CRB2: variants seen among roughly 807,000 people sequenced by gnomAD.
CRB2 encodes protein crumbs homolog 2.
Under a neutral mutation model 110.9 loss-of-function variants are expected in CRB2, and 85 were observed. The ratio of observed to expected loss-of-function variants is 0.77; its 90% CI spans 0.64 to 0.92. The LOEUF is 0.92. Among genes scored for constraint, CRB2 ranks in the 40% least tolerant of loss-of-function variants. CRB2 has a pLI of 0.00. For missense variants in CRB2, 1,843 were observed against 1,851.3 expected, an observed-to-expected ratio of 1.00 and a Z score of 0.08; for synonymous variants, 907 against 831.0, an observed-to-expected ratio of 1.09 and a Z score of -1.57.
In CRB2 at chr9:123,375,261, A is replaced by G; in HGVS notation, c.3551A>G (p.Asn1184Ser). The part of the protein sequence containing the change: ...TLPCEANPCL[N>S]GGTCRAAGGV... ...CCCTGTGAAGCCAACCCCTGCTTGA[A>G]TGGGGGCACCTGCCGGGCAGCTGGA... The change falls in exon 12 of 13, where the codon AAT becomes AGT. Residue 1184 changes from asparagine to serine, a missense_variant. Asn to Ser is a conservative substitution (Grantham distance 46, BLOSUM62 1). Coordinates refer to ENST00000373631, the MANE Select transcript of CRB2 (RefSeq NM_173689.7). 1 of 1,612,034 alleles carries G rather than the reference A, an allele frequency of 6.2e-7. No homozygotes were observed. The highest frequency in any genetic ancestry group is 8.5e-7 in the Non-Finnish European group (1 of 1,179,142).
chr9:123,359,548 A>C (rs2041843428), intron 1 of CRB2, among the ~76,000 whole-genome samples: 1 of 149,560 alleles, frequency 6.7e-6, no homozygotes, highest in African/African-American at 2.5e-5. Flanking sequence ...CCCTGGGCTC[A>C]AGCCATCCTC....
chr9:123,363,689 A>G (rs1206929917), intron 2 of CRB2, among the ~76,000 whole-genome samples: 1 of 152,200 alleles, frequency 6.6e-6, no homozygotes, highest in Non-Finnish European at 1.5e-5. Flanking sequence ...TAGCATAGAC[A>G]TACAAGGTCT....
intron 4 of CRB2, 68 bp from the exon 5 acceptor site, chr9:123,367,104 T>C: frequency 6.8e-7 from 1 of 1,471,104 alleles, no homozygotes; most frequent in Non-Finnish European, 9.0e-7. Context: ...CTCGCTAGCC[T>C]GGTCATAGTG....
rs768010757 is a variant in CRB2, at chr9:123,373,409, C to A, written c.2878C>A (p.Arg960Ser). 2.1e-6 allele frequency: 3 copies of A among 1,444,000 alleles called. No homozygotes were observed. The African/African-American group carries it at 4.5e-5, about 21-fold the overall frequency. The allele number at this position is 1,444,000 out of a possible 1,614,324, so 89.4% of individuals were successfully genotyped here. A position where few individuals can be genotyped will look rare whatever the true frequency, so the allele number is the denominator to read the frequency against. ...GGCCGATGGTGCCTGGCACCGCGTG[C>A]GTCTGGCCATGGAGCGCCCGGCGGC... ...RVADGAWHRV[R>S]LAMERPAATT... is the part of the protein sequence containing the mutation. The change falls in exon 10 of 13, where the codon CGT becomes AGT. Residue 960 changes from arginine (R) to serine (S), a missense_variant. Arg to Ser is a moderately radical substitution (Grantham distance 110). Transcript: ENST00000373631.
At chr9:123,366,179 G>T in intron 3 of CRB2, 48 bp from the exon 4 acceptor site, 1 of 1,381,556 alleles carries the variant, frequency 7.2e-7, no homozygotes, top group Middle Eastern at 2.5e-4. Context: ...CAGGCGCGGG[G>T]CAGAAGGGGC....
intron 1 of CRB2, among the ~76,000 whole-genome samples, chr9:123,356,727 G>C (rs959581187): frequency 2.6e-5 from 4 of 152,056 alleles, no homozygotes; most frequent in African/African-American, 9.7e-5. Flanking sequence ...AGTTTGGGGA[G>C]TTGCAGGTGG....
intron 2 of CRB2, among the ~76,000 whole-genome samples, chr9:123,364,580 A>G (rs1352982910): frequency 6.6e-6 from 1 of 151,974 alleles, no homozygotes; most frequent in African/African-American, 2.4e-5. Context: ...GGAGGAGGGA[A>G]GGGTCATGGG....
chr9:123,361,136 GA>G (rs386738389), intron 1 of CRB2, among the ~76,000 whole-genome samples: 34,632 of 122,566 alleles, frequency 0.28, 5,838 homozygotes, highest in Non-Finnish European at 0.38. Flanking sequence ...GATGGGCGGG[GA>G]GGGGGGGGGG....
At chr9:123,358,135 G>A (rs576222436) in intron 1 of CRB2, among the ~76,000 whole-genome samples, 1 of 152,332 alleles carries the variant, frequency 6.6e-6, no homozygotes, top group South Asian at 2.1e-4. Flanking sequence ...CCTGCCGGGA[G>A]GGGAGGGATT....
rs1443443959 is a variant in CRB2 at position 123,373,750 on chromosome 9, C to G, written c.3219C>G (p.Asp1073Glu). Residue 1073 changes from aspartate to glutamate, a missense_variant, in exon 10 of 13, where the codon GAC becomes GAG. Coordinates refer to ENST00000373631, the MANE Select transcript of CRB2 (RefSeq NM_173689.7). ...GTCTGCACGACGGTGCCTGCCGTGA[C>G]CTCTTCGACGCCTTTGCCTGCGCCT... ...SPCLHDGACR[D>E]LFDAFACACG... 8.8e-6 allele frequency: 14 copies of G among 1,588,852 alleles called. No homozygotes were observed. Among genetic ancestry groups the G allele is most frequent in the Admixed American group, 1.7e-5 (1 of 59,336 alleles).
At chr9:123,358,827 A>G (rs1291925446) in intron 1 of CRB2, among the ~76,000 whole-genome samples, 1 of 152,198 alleles carries the variant, frequency 6.6e-6, no homozygotes, top group African/African-American at 2.4e-5. Flanking sequence ...GCGCTGGTAT[A>G]AGGATTGGAA....
At chr9:123,362,804 G>C (rs1254360203) in intron 1 of CRB2, 61 bp from the exon 2 acceptor site, 9 of 1,486,930 alleles carry the variant, frequency 6.1e-6, no homozygotes, top group Non-Finnish European at 8.2e-6. Flanking sequence ...TGAGAGGGTG[G>C]GGAGGAGATT....
intron 1 of CRB2, among the ~76,000 whole-genome samples, chr9:123,360,435 T>C (rs956803980): frequency 6.6e-6 from 1 of 151,578 alleles, no homozygotes; most frequent in East Asian, 1.9e-4. Context: ...CAGCCCCTCC[T>C]CCGCCCTGCT....
chr9:123,356,495 C>A (rs1357056540), intron 1 of CRB2, 141 bp downstream of exon 1: 3 of 365,844 alleles, frequency 8.2e-6, no homozygotes, highest in Non-Finnish European at 1.4e-5. Context: ...CAGGAGTGCG[C>A]GGCTGTGGCC....
At chr9:123,364,216 G>T (rs985404590) in intron 2 of CRB2, among the ~76,000 whole-genome samples, 1 of 151,884 alleles carries the variant, frequency 6.6e-6, no homozygotes, top group Non-Finnish European at 1.5e-5. Flanking sequence ...GGTCACATTC[G>T]TCCATGTGTC....
chr9:123,354,304 G>A (rs942503975), upstream of CRB2, among the ~76,000 whole-genome samples: 2 of 152,244 alleles, frequency 1.3e-5, no homozygotes, highest in Non-Finnish European at 2.9e-5. Context: ...GACCTGCGCC[G>A]GGTGACCTCC....
intron 1 of CRB2, among the ~76,000 whole-genome samples, chr9:123,356,632 C>G (rs116216939): frequency 6.7e-6 from 1 of 150,170 alleles, no homozygotes; most frequent in East Asian, 2.0e-4. Context: ...GGAGCTGATG[C>G]GGGTGAGGGA....
chr9:123,354,192 C>A (rs1327776258), upstream of CRB2, among the ~76,000 whole-genome samples: 1 of 152,258 alleles, frequency 6.6e-6, no homozygotes, highest in African/African-American at 2.4e-5. Context: ...GGGAGCCCCC[C>A]TCCATACCCT....
chr9:123,377,221 G>T lies in CRB2; in HGVS notation c.*159G>T. 1 of 678,784 alleles carries T rather than the reference G, an allele frequency of 1.5e-6. No individual in the cohort carries two copies. 42.0% of individuals were successfully genotyped at this position (678,784 alleles called of 1,614,324 possible). Reference sequence around the variant, plus strand: ...CTGCCCCATCCTGGATGGAGGACGAGGGGAGCAACTCAGGGAAACAGAGGC... The same window carrying T: ...CTGCCCCATCCTGGATGGAGGACGATGGGAGCAACTCAGGGAAACAGAGGC... On this transcript the variant is annotated 3_prime_UTR_variant, in exon 13 of 13. Coordinates refer to ENST00000373631, the MANE Select transcript of CRB2 (RefSeq NM_173689.7).
Sources: gnomAD v4.1 joint callset for allele counts (sites outside exome capture counted in the v4.1 genomes callset) on GRCh38, gnomAD v4.1.1 for gene constraint, MANE v1.5 for transcripts, NCBI Gene and HGNC (gene_info 2026-07-23, HGNC 2026-07-21) for gene names.